The following RFX7 variants were observed in gnomAD, a reference collection of about 807,000 sequenced individuals.
RFX7 encodes regulatory factor X7, also known as DNA-binding protein RFX7.
A neutral mutation model predicts 111.8 loss-of-function variants in RFX7; 26 were observed. The ratio of observed to expected loss-of-function variants is 0.23; its 90% CI spans 0.17 to 0.32. RFX7 has a LOEUF of 0.32. RFX7 is among the 10% of genes least tolerant of loss of function. The pLI, the probability that RFX7 is intolerant of heterozygous loss-of-function variation, is 1.00. For synonymous variants in RFX7, 624 were observed against 624.4 expected (o/e 1.00, Z 0.01); for missense variants, 1,573 against 1,772.9 (o/e 0.89, Z 2.02).
chr15:56,139,574 G>C (rs1335128994), intron 5 of RFX7, among the ~76,000 whole-genome samples: 5 of 152,292 alleles, frequency 3.3e-5, no homozygotes, highest in African/African-American at 9.6e-5. Flanking sequence ...TCCTCCCGTA[G>C]CTCAGAGTAA....
chr15:56,242,111 T>G (rs2043698214), intron 2 of RFX7, among the ~76,000 whole-genome samples: 1 of 152,220 alleles, frequency 6.6e-6, no homozygotes, highest in African/African-American at 2.4e-5. Flanking sequence ...ATGATGGCCC[T>G]GCAAAGATTT....
intron 2 of RFX7, among the ~76,000 whole-genome samples, chr15:56,203,645 G>A (rs2043218200): frequency 6.6e-6 from 1 of 152,150 alleles, no homozygotes; most frequent in African/African-American, 2.4e-5. Flanking sequence ...CAGTAAAGAA[G>A]CCGGCCAAAA....
chr15:56,238,484 C>T (rs2043649091), intron 2 of RFX7, among the ~76,000 whole-genome samples: 1 of 152,020 alleles, frequency 6.6e-6, no homozygotes, highest in Admixed American at 6.5e-5. Flanking sequence ...GAACTCTGAC[C>T]CCAGCATTTT....
At chr15:56,128,253 T>C (rs1232229777) in intron 5 of RFX7, among the ~76,000 whole-genome samples, 1 of 152,110 alleles carries the variant, frequency 6.6e-6, no homozygotes, top group Non-Finnish European at 1.5e-5. Flanking sequence ...AGGCCAACAC[T>C]ATCCTGACAC....
chr15:56,102,396 C>A, intron 6 of RFX7, 143 bp from the exon 7 acceptor site: 2 of 524,860 alleles, frequency 3.8e-6, no homozygotes, highest in Non-Finnish European at 6.6e-6. Context: ...GTAAGAAAAA[C>A]CTTAATATTA....
chr15:56,239,937 C>A (rs554339141), intron 2 of RFX7, among the ~76,000 whole-genome samples: 45 of 149,204 alleles, frequency 3.0e-4, no homozygotes, highest in African/African-American at 9.6e-4. Context: ...CACTAAACTA[C>A]GAAGACACTG....
intron 8 of RFX7, among the ~76,000 whole-genome samples, 154 bp from the exon 9 acceptor site, chr15:56,098,530 G>T (rs184485214): frequency 6.0e-4 from 92 of 152,306 alleles, no homozygotes; most frequent in African/African-American, 2.2e-3. Flanking sequence ...ATTAGACTTC[G>T]AATTTATAAA....
chr15:56,207,045 T>C (rs1313353662), intron 2 of RFX7, among the ~76,000 whole-genome samples: 3 of 152,146 alleles, frequency 2.0e-5, no homozygotes, highest in Non-Finnish European at 4.4e-5. Context: ...CATGAGATGA[T>C]GGATACCCCA....
At chr15:56,207,022 C>A (rs927768476) in intron 2 of RFX7, among the ~76,000 whole-genome samples, 1 of 152,014 alleles carries the variant, frequency 6.6e-6, no homozygotes, top group African/African-American at 2.4e-5. Context: ...GTATGTAACA[C>A]AAAGGATAAA....
intron 2 of RFX7, among the ~76,000 whole-genome samples, chr15:56,217,398 A>G (rs1175702937): frequency 1.3e-5 from 2 of 150,772 alleles, no homozygotes; most frequent in Non-Finnish European, 3.0e-5. Context: ...AGGTTCATAC[A>G]CTGTAAGGGG....
chr15:56,103,991 T>TGTAA (rs1197703812), intron 5 of RFX7, among the ~76,000 whole-genome samples: 2 of 152,266 alleles, frequency 1.3e-5, no homozygotes, highest in African/African-American at 4.8e-5. Context: ...CCAGTAGGGC[T>TGTAA]GTAAGTTTCC....
At chr15:56,214,385 C>T (rs1232813483) in intron 2 of RFX7, among the ~76,000 whole-genome samples, 2 of 152,084 alleles carry the variant, frequency 1.3e-5, no homozygotes, top group African/African-American at 2.4e-5. Flanking sequence ...TTTATTTATG[C>T]CTACATTATT....
chr15:56,183,214 T>C (rs1266545517), intron 2 of RFX7, among the ~76,000 whole-genome samples: 5 of 152,114 alleles, frequency 3.3e-5, no homozygotes, highest in Admixed American at 6.5e-5. Context: ...TATTACATTA[T>C]AGAAGCTTTA....
upstream of RFX7, chr15:56,244,168 C>CG (rs1190830159): frequency 6.6e-6 from 1 of 152,076 alleles, no homozygotes; most frequent in African/African-American, 2.4e-5. Context: ...GGGATTTGGG[C>CG]GGGGGAGGCA....
intron 3 of RFX7, among the ~76,000 whole-genome samples, chr15:56,165,603 C>G (rs150147107): frequency 6.6e-6 from 1 of 152,176 alleles, no homozygotes; most frequent in African/African-American, 2.4e-5. Context: ...TGAGAAGGAA[C>G]TCATTAGACA....
chr15:56,187,561 T>A (rs1221000538), intron 2 of RFX7, among the ~76,000 whole-genome samples: 4 of 76,462 alleles, frequency 5.2e-5, no homozygotes, highest in African/African-American at 1.3e-4. Context: ...AGCAGGAATC[T>A]GTTGTCTTGC....
rs778025637 is a variant in RFX7 at position 56,094,621 on chromosome 15, T to C, written c.3107A>G (p.His1036Arg). 6 of 1,613,982 alleles carry C rather than the reference T, an allele frequency of 3.7e-6. No individual in the cohort carries two copies. The South Asian group carries it at 5.5e-5, about 15-fold the overall frequency. The change falls in exon 10 of 10, where the codon CAT becomes CGT. Residue 1036 changes from histidine to arginine, a missense_variant. Around this residue, in one of 7 missense-constraint regions of RFX7, gnomAD observed 32 missense variants for 67.7 expected, o/e 0.47. Coordinates refer to ENST00000559447, the MANE Select transcript of RFX7 (RefSeq NM_022841.7). ...ACTACTTGAGACAATGCTGGCGTCATGATATGCCATACTGGAGCTTATTGG... is the reference window on the plus strand; with the variant it reads ...ACTACTTGAGACAATGCTGGCGTCACGATATGCCATACTGGAGCTTATTGG... ...FTPISSSMAYHDASIVSSSPV... is the reference protein window; with the variant it reads ...FTPISSSMAYRDASIVSSSPV...
intron 2 of RFX7, among the ~76,000 whole-genome samples, chr15:56,219,057 A>G (rs550701053): frequency 6.6e-6 from 1 of 152,346 alleles, no homozygotes; most frequent in East Asian, 1.9e-4. Context: ...GTTTATTATA[A>G]AAAGTTAAAG....
At chr15:56,220,525 C>G (rs1437489009) in intron 2 of RFX7, among the ~76,000 whole-genome samples, 1 of 150,168 alleles carries the variant, frequency 6.7e-6, no homozygotes, top group African/African-American at 2.4e-5. Flanking sequence ...GCCACCGCAC[C>G]TAGCCAAATG....
Sources: gnomAD v4.1 joint callset for allele counts (sites outside exome capture counted in the v4.1 genomes callset) on GRCh38, gnomAD v4.1.1 for gene constraint, gnomAD v4.1.1 regional missense constraint, MANE v1.5 for transcripts, NCBI Gene and HGNC (gene_info 2026-07-23, HGNC 2026-07-21) for gene names.